Variants in TBC1D19 observed in about 807,000 individuals in gnomAD.
The protein encoded by TBC1D19 is TBC1 domain family member 19, also known as TBC1 domain family, member 19.
Under a neutral mutation model 89.0 loss-of-function variants are expected in TBC1D19, and 60 were observed. That is an observed-to-expected ratio of 0.67 (90% CI 0.55 to 0.84). The LOEUF is 0.84. TBC1D19 is among the 40% of genes least tolerant of loss of function. The pLI is 0.00. For missense variants in TBC1D19, 500 were observed against 610.8 expected (o/e 0.82, Z 1.91); for synonymous variants, 189 against 199.7 (o/e 0.95, Z 0.45).
At chr4:26,832,285 C>T in the TBC1D19 span, among the ~76,000 whole-genome samples, 1 of 152,276 alleles carries the variant, frequency 6.6e-6, no homozygotes, top group Non-Finnish European at 1.5e-5. Flanking sequence ...GGAAATCCTT[C>T]CCTGATCCTC....
chr4:26,802,996 C>T, the TBC1D19 span, among the ~76,000 whole-genome samples: 5 of 152,148 alleles, frequency 3.3e-5, no homozygotes, highest in South Asian at 4.1e-4. Context: ...CTGATAAGGA[C>T]GCTAATCCCA....
chr4:26,842,232 G>C, the TBC1D19 span, among the ~76,000 whole-genome samples: 331 of 152,034 alleles, frequency 2.2e-3, no homozygotes, highest in Middle Eastern at 0.01. Context: ...GCTGTATCTT[G>C]GGGGTTTGCA....
the TBC1D19 span, among the ~76,000 whole-genome samples, chr4:26,843,242 C>T: frequency 6.6e-6 from 1 of 152,122 alleles, no homozygotes; most frequent in Non-Finnish European, 1.5e-5. Context: ...CTTTTTAAAG[C>T]TTCATGCTTG....
At chr4:26,837,064 G>A in the TBC1D19 span, among the ~76,000 whole-genome samples, 78 of 152,312 alleles carry the variant, frequency 5.1e-4, no homozygotes, top group African/African-American at 1.8e-3. Context: ...ACTGCCCCAA[G>A]CAAGTGTCCA....
chr4:26,756,880 C>A (rs1350567084), downstream of TBC1D19, among the ~76,000 whole-genome samples: 3 of 152,300 alleles, frequency 2.0e-5, no homozygotes, highest in Admixed American at 1.3e-4. Flanking sequence ...GGCAGTAGAT[C>A]TGAATCTGAA....
chr4:26,619,749 G>T (rs2110030727), intron 3 of TBC1D19, among the ~76,000 whole-genome samples: 1 of 152,274 alleles, frequency 6.6e-6, no homozygotes, highest in South Asian at 2.1e-4. Flanking sequence ...TTATAGATTA[G>T]GTTGGATAGG....
the TBC1D19 span, among the ~76,000 whole-genome samples, chr4:26,769,089 A>G: frequency 6.6e-6 from 1 of 152,136 alleles, no homozygotes; most frequent in Non-Finnish European, 1.5e-5. Context: ...AGAGAGGAAC[A>G]AGATTAAGGA....
intron 8 of TBC1D19, among the ~76,000 whole-genome samples, chr4:26,665,822 G>A (rs1711760096): frequency 6.6e-6 from 1 of 151,952 alleles, no homozygotes; most frequent in African/African-American, 2.4e-5. Context: ...GTTTTTTACT[G>A]AAAGGATAAT....
At position 26,726,774 on chromosome 4, in the gene TBC1D19, C is replaced by T. The variant is rs146635768; in HGVS notation, c.1084+6649C>T. On this transcript the variant is annotated intron_variant, in intron 15 of 20. Transcript: ENST00000264866. ...TGAAGTGAATCAGATAGGCGAGTTACGGTACAATGATAAATGCTAAGTATT... is the reference window on the plus strand; with the variant it reads ...TGAAGTGAATCAGATAGGCGAGTTATGGTACAATGATAAATGCTAAGTATT... Among the ~76,000 whole-genome samples, 740 of 152,080 alleles carry T rather than the reference C, an allele frequency of 4.9e-3. 6 individuals carry two copies. The highest frequency in any genetic ancestry group is 0.016 in the African/African-American group (659 of 41,478).
At chr4:26,628,863 T>A (rs1020471860) in intron 4 of TBC1D19, among the ~76,000 whole-genome samples, 1 of 151,788 alleles carries the variant, frequency 6.6e-6, no homozygotes, top group Non-Finnish European at 1.5e-5. Context: ...TAAAAGAGGA[T>A]ACAAACAAAT....
chr4:26,611,064 A>G (rs1278636664), intron 1 of TBC1D19, among the ~76,000 whole-genome samples: 1 of 152,158 alleles, frequency 6.6e-6, no homozygotes, highest in Non-Finnish European at 1.5e-5. Context: ...CATTCCCACC[A>G]GCAGTGTATA....
intron 14 of TBC1D19, 110 bp from the exon 15 acceptor site, chr4:26,719,971 G>A (rs890728385): frequency 1.2e-6 from 1 of 807,866 alleles, no homozygotes; most frequent in Non-Finnish European, 1.9e-6. Context: ...TGACATATCA[G>A]TTTATAGTAG....
chr4:26,717,563 C>A (rs775966524), intron 13 of TBC1D19, among the ~76,000 whole-genome samples: 6 of 152,048 alleles, frequency 3.9e-5, no homozygotes, highest in Non-Finnish European at 7.4e-5. Flanking sequence ...GAGTCAAGTT[C>A]ATTTCCTGCA....
At chr4:26,793,722 C>CAAAAAAAA in the TBC1D19 span, among the ~76,000 whole-genome samples, 1 of 79,002 alleles carries the variant, frequency 1.3e-5, no homozygotes, top group African/African-American at 5.4e-5. Flanking sequence ...GACTTCGTCT[C>CAAAAAAAA]AAAAAAAAAA....
the TBC1D19 span, among the ~76,000 whole-genome samples, chr4:26,806,175 C>T: frequency 3.3e-5 from 5 of 151,882 alleles, no homozygotes; most frequent in Admixed American, 2.6e-4. Context: ...GGAACACTTG[C>T]CTACCCCATC....
chr4:26,695,974 C>T (rs918209290), intron 13 of TBC1D19, among the ~76,000 whole-genome samples: 9 of 152,178 alleles, frequency 5.9e-5, no homozygotes, highest in African/African-American at 1.7e-4. Flanking sequence ...AACCAGCTAA[C>T]GTCATAATGA....
chr4:26,839,564 T>C, the TBC1D19 span, among the ~76,000 whole-genome samples: 1 of 125,850 alleles, frequency 7.9e-6, no homozygotes, highest in African/African-American at 2.7e-5. Context: ...TCAATCTCCT[T>C]TTCCATCACC....
chr4:26,814,975 T>A, the TBC1D19 span, among the ~76,000 whole-genome samples: 1 of 151,916 alleles, frequency 6.6e-6, no homozygotes, highest in African/African-American at 2.4e-5. Flanking sequence ...TGAGCTATGA[T>A]TGCACCACTG....
At chr4:26,654,796 T>A (rs1271935152) in intron 7 of TBC1D19, among the ~76,000 whole-genome samples, 1 of 152,180 alleles carries the variant, frequency 6.6e-6, no homozygotes, top group Non-Finnish European at 1.5e-5. Flanking sequence ...TTTCAAGGTT[T>A]TTAACTTCTT....
Sources: gnomAD v4.1 joint callset for allele counts (sites outside exome capture counted in the v4.1 genomes callset) on GRCh38, gnomAD v4.1.1 for gene constraint, MANE v1.5 for transcripts, NCBI Gene and HGNC (gene_info 2026-07-23, HGNC 2026-07-21) for gene names.